Variants in GRM7 observed in about 807,000 individuals in gnomAD.
The protein encoded by GRM7 is metabotropic glutamate receptor 7.
GRM7 carries 35 observed loss-of-function variants against 84.5 expected under a neutral mutation model. The observed-to-expected ratio is 0.41, with a 90% CI of 0.32 to 0.55. GRM7 has a LOEUF of 0.55. GRM7 is among the 20% of genes least tolerant of loss of function. The pLI is 0.19. For missense variants in GRM7, 1,003 were observed against 1,194.6 expected, an observed-to-expected ratio of 0.84 and a Z score of 2.36; for synonymous variants, 487 against 455.1, an observed-to-expected ratio of 1.07 and a Z score of -0.89.
At chr3:7,033,848 A>T (rs974842888) in intron 1 of GRM7, among the ~76,000 whole-genome samples, 7 of 152,160 alleles carry the variant, frequency 4.6e-5, no homozygotes, top group Admixed American at 3.9e-4. Context: ...AAGTGACTCG[A>T]GGGTGTGAAA....
chr3:7,687,041 G>C (rs1700614350), intron 9 of GRM7, among the ~76,000 whole-genome samples: 1 of 152,084 alleles, frequency 6.6e-6, no homozygotes, highest in African/African-American at 2.4e-5. Flanking sequence ...ATAATATGTT[G>C]ATGATGATTT....
chr3:7,213,645 C>A, intron 2 of GRM7, among the ~76,000 whole-genome samples: 1 of 152,192 alleles, frequency 6.6e-6, no homozygotes, highest in Middle Eastern at 3.4e-3. Flanking sequence ...TAGAGGAAGA[C>A]GATGAACTTC....
At chr3:7,591,608 CA>C (rs1303546503) in intron 8 of GRM7, 6 of 353,090 alleles carry the variant, frequency 1.7e-5, no homozygotes, top group Non-Finnish European at 2.7e-5. Context: ...AAGTAGCTAA[CA>C]AAAGGGAGGT....
At chr3:7,005,012 A>G (rs1372533391) in intron 1 of GRM7, among the ~76,000 whole-genome samples, 3 of 152,224 alleles carry the variant, frequency 2.0e-5, no homozygotes, top group Non-Finnish European at 4.4e-5. Flanking sequence ...ATTGCACTTT[A>G]GCTCTACATC....
At chr3:6,989,009 C>A (rs892377747) in intron 1 of GRM7, among the ~76,000 whole-genome samples, 12 of 152,168 alleles carry the variant, frequency 7.9e-5, no homozygotes, top group African/African-American at 2.7e-4. Context: ...CAAACAAAAT[C>A]AGTTTTCTTT....
At chr3:7,645,275 A>G (rs140357389) in intron 8 of GRM7, among the ~76,000 whole-genome samples, 3,179 of 152,220 alleles carry the variant, frequency 0.021, 84 homozygotes, top group African/African-American at 0.062. Context: ...TTGGCTGGGC[A>G]CAGTGGCTCA....
rs140022284 is a variant in GRM7, at chr3:7,666,227, G to A, written c.2452-13822G>A. Among the ~76,000 whole-genome samples, 20 of 152,318 alleles carry A rather than the reference G, an allele frequency of 1.3e-4. No homozygotes were observed. The East Asian group carries it at 3.9e-3, about 29-fold the overall frequency. On this transcript the variant is annotated intron_variant, in intron 8 of 9. Transcript: ENST00000357716. ...CAAGAAGGTTGAACCTGAAGAATGA[G>A]TTAGGAGAACTGAAGCAAAACAAAC...
chr3:6,961,799 A>G (rs889465732), intron 1 of GRM7, among the ~76,000 whole-genome samples: 1 of 152,116 alleles, frequency 6.6e-6, no homozygotes, highest in South Asian at 2.1e-4. Context: ...GTCCCACTGG[A>G]GCCCTGTCCT....
intron 1 of GRM7, among the ~76,000 whole-genome samples, chr3:7,006,829 G>A (rs80321420): frequency 0.045 from 6,789 of 152,208 alleles, 534 homozygotes; most frequent in African/African-American, 0.15. Flanking sequence ...AAATCTTGCT[G>A]AGCACCTACT....
chr3:7,396,413 A>T (rs763296961), intron 4 of GRM7, among the ~76,000 whole-genome samples: 17 of 152,166 alleles, frequency 1.1e-4, no homozygotes, highest in Non-Finnish European at 1.8e-4. Flanking sequence ...TTTACAAATT[A>T]AAAAAGACAT....
intron 9 of GRM7, among the ~76,000 whole-genome samples, chr3:7,731,596 C>T (rs1182411428): frequency 1.3e-5 from 2 of 152,092 alleles, no homozygotes. Context: ...TTTTGTAAAG[C>T]TAAAGGGAGG....
At chr3:7,481,824 C>A (rs1275390427) in intron 7 of GRM7, among the ~76,000 whole-genome samples, 1 of 152,180 alleles carries the variant, frequency 6.6e-6, no homozygotes, top group Non-Finnish European at 1.5e-5. Context: ...GCAAACTGTC[C>A]TGCTGTGCAC....
At chr3:7,501,195 TA>T (rs1472529636) in intron 7 of GRM7, among the ~76,000 whole-genome samples, 6 of 152,228 alleles carry the variant, frequency 3.9e-5, no homozygotes, top group African/African-American at 1.4e-4. Flanking sequence ...GCCCATAAAG[TA>T]GATAATATCA....
At chr3:7,409,156 T>G (rs1417176546) in intron 4 of GRM7, among the ~76,000 whole-genome samples, 3 of 152,192 alleles carry the variant, frequency 2.0e-5, no homozygotes, top group Non-Finnish European at 4.4e-5. Flanking sequence ...TTGCTCTCGT[T>G]TTTTTCACTT....
chr3:6,903,371 C>T (rs1288118020), intron 1 of GRM7, among the ~76,000 whole-genome samples: 8 of 151,874 alleles, frequency 5.3e-5, no homozygotes, highest in Non-Finnish European at 4.4e-5. Context: ...TTTTGTGATT[C>T]CTAATTTGTA....
chr3:7,298,038 G>A (rs1699870870), intron 2 of GRM7, among the ~76,000 whole-genome samples: 1 of 152,138 alleles, frequency 6.6e-6, no homozygotes, highest in Non-Finnish European at 1.5e-5. Flanking sequence ...AACATAAAAT[G>A]AGCAATACGA....
At chr3:7,536,710 G>A (rs1428833715) in intron 7 of GRM7, among the ~76,000 whole-genome samples, 1 of 152,086 alleles carries the variant, frequency 6.6e-6, no homozygotes, top group East Asian at 1.9e-4. Flanking sequence ...GGCTCATATT[G>A]GCCTCCTGCC....
rs73123727 is a variant in GRM7 at position 7,704,661 on chromosome 3, A to G, written c.2698+24366A>G. 5.7e-3 allele frequency among the ~76,000 whole-genome samples: 862 copies of G among 152,338 alleles called. 9 individuals are homozygous for G. The highest frequency in any genetic ancestry group is 0.019 in the African/African-American group (782 of 41,584). ...AGCCAGGATGCTACCAAAAGGGTAC[A>G]TCAGTTACAATAGAAAGAAGTATTC... On this transcript the variant is annotated intron_variant, in intron 9 of 9. Transcript: ENST00000357716.
rs368147018 is a variant in GRM7 at position 7,460,003 on chromosome 3, A to C, written c.1376-1580A>C. Among the ~76,000 whole-genome samples the C allele has an allele frequency of 7.0e-4, 105 of 150,926 alleles. 3 individuals carry two copies. The South Asian group carries it at 0.021, about 30-fold the overall frequency. On this transcript the variant is annotated intron_variant, in intron 6 of 9. Coordinates refer to ENST00000357716, the MANE Select transcript of GRM7 (RefSeq NM_000844.4). The stretch of plus-strand genomic sequence containing the variant: ...AGATCAAGAGTGACAAGACAGAGAC[A>C]GGATGAGATGGATACCGAGGCAATT...
Sources: allele counts gnomAD v4.1 joint callset (sites outside exome capture counted in the v4.1 genomes callset), GRCh38; gene constraint gnomAD v4.1.1; transcripts MANE v1.5; gene names NCBI Gene and HGNC (gene_info 2026-07-23, HGNC 2026-07-21).